RARB: variants seen among roughly 807,000 people sequenced by gnomAD.
RARB encodes HBV-activated protein.
RARB carries 17 observed loss-of-function variants against 51.9 expected under a neutral mutation model. That is an observed-to-expected ratio of 0.33 (90% CI 0.22 to 0.49). RARB has a LOEUF of 0.49. Among genes scored for constraint, RARB ranks in the 20% least tolerant of loss-of-function variants. The pLI, the probability that RARB is intolerant of heterozygous loss-of-function variation, is 0.99. For synonymous variants in RARB, 215 were observed against 195.4 expected, an observed-to-expected ratio of 1.10 and a Z score of -0.84; for missense variants, 369 against 550.8, an observed-to-expected ratio of 0.67 and a Z score of 3.30.
At chr3:24,869,051 A>C (rs1455423678) in intron 2 of RARB, among the ~76,000 whole-genome samples, 1 of 152,156 alleles carries the variant, frequency 6.6e-6, no homozygotes, top group East Asian at 1.9e-4. Context: ...CAAATATTTT[A>C]GAGTTGGACT....
At chr3:24,838,329 T>A (rs999872114) in intron 1 of RARB, among the ~76,000 whole-genome samples, 2 of 152,184 alleles carry the variant, frequency 1.3e-5, no homozygotes, top group African/African-American at 4.8e-5. Context: ...GATGAGTAAC[T>A]TTAATTACAT....
At chr3:24,861,456 G>GA (rs1192827255) in intron 2 of RARB, among the ~76,000 whole-genome samples, 1 of 151,660 alleles carries the variant, frequency 6.6e-6, no homozygotes, top group Non-Finnish European at 1.5e-5. Context: ...CATATTCCTA[G>GA]AAAAAAATAA....
chr3:25,265,720 C>G (rs917875130), intron 5 of RARB, among the ~76,000 whole-genome samples: 1 of 152,140 alleles, frequency 6.6e-6, no homozygotes, highest in Non-Finnish European at 1.5e-5. Flanking sequence ...GATCCACACG[C>G]CTCCGCCTCC....
chr3:24,910,433 A>T (rs1026394517), intron 2 of RARB, among the ~76,000 whole-genome samples: 1 of 151,360 alleles, frequency 6.6e-6, no homozygotes, highest in Non-Finnish European at 1.5e-5. Flanking sequence ...ATTGGATGAC[A>T]TGTTTTGATA....
intron 1 of RARB, among the ~76,000 whole-genome samples, chr3:24,837,261 G>T (rs190086224): frequency 6.6e-6 from 1 of 152,306 alleles, no homozygotes; most frequent in African/African-American, 2.4e-5. Context: ...GATCACAGAG[G>T]TGAGTAAAGT....
intron 1 of RARB, among the ~76,000 whole-genome samples, chr3:24,838,456 T>C (rs1438269292): frequency 6.6e-6 from 1 of 152,188 alleles, no homozygotes; most frequent in Non-Finnish European, 1.5e-5. Context: ...TCTGATGATA[T>C]GGTTGTCAAC....
intron 2 of RARB, among the ~76,000 whole-genome samples, chr3:25,486,129 G>C (rs1696455886): frequency 6.6e-6 from 1 of 152,170 alleles, no homozygotes; most frequent in African/African-American, 2.4e-5. Flanking sequence ...TGCAAAAAGG[G>C]CCCATATTTG....
Position 25,165,915 on chromosome 3 carries a change from T to C in RARB, c.-279-8204T>C, listed in dbSNP as rs148755935. Among the ~76,000 whole-genome samples the C allele has an allele frequency of 1.2e-4, 18 of 152,326 alleles. 1 individual carries two copies. The highest frequency in any genetic ancestry group is 3.6e-4 in the African/African-American group (15 of 41,566). On this transcript the variant is annotated intron_variant, in intron 4 of 11. Coordinates refer to the RARB transcript ENST00000383772. ...AAAGTCATATTTGAACTCTGTTTCT[T>C]TAGCAGATGGAATCTTACATATTTC...
intron 2 of RARB, among the ~76,000 whole-genome samples, chr3:25,057,124 C>G (rs1459344937): frequency 6.6e-6 from 1 of 152,056 alleles, no homozygotes; most frequent in Non-Finnish European, 1.5e-5. Context: ...ATGGGCTGAG[C>G]CTAAATAGTC....
intron 4 of RARB, among the ~76,000 whole-genome samples, chr3:25,166,709 G>T (rs1199854220): frequency 6.6e-6 from 1 of 152,142 alleles, no homozygotes; most frequent in Non-Finnish European, 1.5e-5. Flanking sequence ...TTGTTGCTTG[G>T]ATCACTCTTG....
At chr3:25,261,228 A>G (rs1702989840) in intron 5 of RARB, among the ~76,000 whole-genome samples, 1 of 152,148 alleles carries the variant, frequency 6.6e-6, no homozygotes, top group Non-Finnish European at 1.5e-5. Context: ...CATCATGATC[A>G]CCACCATAAT....
intron 2 of RARB, among the ~76,000 whole-genome samples, chr3:25,482,915 A>G (rs1696304124): frequency 6.6e-6 from 1 of 152,212 alleles, no homozygotes; most frequent in South Asian, 2.1e-4. Flanking sequence ...AATATCAAAA[A>G]TTATTTCAAC....
chr3:25,129,527 A>G (rs1265399954), intron 3 of RARB, among the ~76,000 whole-genome samples: 1 of 152,102 alleles, frequency 6.6e-6, no homozygotes, highest in Non-Finnish European at 1.5e-5. Flanking sequence ...TTACATTTAA[A>G]CTTACTTTCA....
At chr3:25,475,815 A>C (rs1429132152) in intron 2 of RARB, among the ~76,000 whole-genome samples, 1 of 152,176 alleles carries the variant, frequency 6.6e-6, no homozygotes, top group African/African-American at 2.4e-5. Context: ...TGTTACTCTC[A>C]CAGTAACATC....
At chr3:25,466,938 C>T (rs1015839773) in intron 2 of RARB, among the ~76,000 whole-genome samples, 2 of 152,210 alleles carry the variant, frequency 1.3e-5, no homozygotes, top group African/African-American at 2.4e-5. Flanking sequence ...AAGCTGGTGC[C>T]CCAAAGCTCT....
intron 2 of RARB, among the ~76,000 whole-genome samples, chr3:24,933,876 A>C (rs1399004218): frequency 2.0e-5 from 3 of 152,166 alleles, no homozygotes; most frequent in Non-Finnish European, 4.4e-5. Context: ...AATTGTTAGA[A>C]GTTCAAGTAT....
intron 5 of RARB, among the ~76,000 whole-genome samples, chr3:25,360,700 G>A (rs1705904413): frequency 6.6e-6 from 1 of 152,126 alleles, no homozygotes. Flanking sequence ...GCATTTGCTT[G>A]ACTGTAAATT....
At chr3:25,230,376 A>G (rs1009717707) in intron 5 of RARB, among the ~76,000 whole-genome samples, 1 of 152,048 alleles carries the variant, frequency 6.6e-6, no homozygotes, top group East Asian at 1.9e-4. Context: ...ATAAATAAAA[A>G]TGGGACACTT....
chr3:25,310,959 T>G (rs1232989437), intron 5 of RARB, among the ~76,000 whole-genome samples: 1 of 152,106 alleles, frequency 6.6e-6, no homozygotes, highest in Admixed American at 6.6e-5. Context: ...CTCTGGAAAT[T>G]AAAGGAGATG....
Sources: gnomAD v4.1 joint callset for allele counts (sites outside exome capture counted in the v4.1 genomes callset) on GRCh38, gnomAD v4.1.1 for gene constraint, MANE v1.5 for transcripts, NCBI Gene and HGNC (gene_info 2026-07-23, HGNC 2026-07-21) for gene names.